Variants in NLGN4X observed in about 807,000 individuals in gnomAD.
NLGN4X encodes neuroligin 4 X-linked.
In NLGN4X, 3 loss-of-function variants were observed where a neutral mutation model predicts 40.3. The ratio of observed to expected loss-of-function variants is 0.07; its 90% CI spans 0.03 to 0.19. The LOEUF (loss-of-function observed/expected upper bound fraction) is 0.19, where lower values mean the gene tolerates loss of function less well. Ranked by LOEUF, NLGN4X falls within the 10% of genes least tolerant of loss-of-function variation. The pLI is 1.00. For missense variants in NLGN4X, 382 were observed against 708.3 expected, an observed-to-expected ratio of 0.54 and a Z score of 5.23; for synonymous variants, 270 against 306.8, an observed-to-expected ratio of 0.88 and a Z score of 1.25.
Position 5,890,191 on chromosome X carries a change from T to C in NLGN4X, c.*2626A>G, listed in dbSNP as rs2031080778. Reference sequence around the variant, plus strand: ...ACCCAAGGAACCATTAAACCCTGCGTGCCTTTGAAGATCAAGAGTAAAAGC... The same window carrying C: ...ACCCAAGGAACCATTAAACCCTGCGCGCCTTTGAAGATCAAGAGTAAAAGC... On this transcript the variant is annotated 3_prime_UTR_variant, in exon 6 of 6. Transcript: ENST00000381095. The C allele has an allele frequency of 5.5e-6, 1 of 182,085 alleles. No homozygotes were observed. The highest frequency in any genetic ancestry group is 7.4e-5 in the Admixed American group (1 of 13,477). 15.0% of individuals were successfully genotyped at this position (182,085 alleles called of 1,213,427 possible). A position where few individuals can be genotyped will look rare whatever the true frequency, so the allele number is the denominator to read the frequency against.
At chrX:6,067,108 C>CCA (rs199548872) in intron 2 of NLGN4X, among the ~76,000 whole-genome samples, 46 of 108,504 alleles carry the variant, frequency 4.2e-4, no homozygotes, top group Admixed American at 1.7e-3. Flanking sequence ...GATACAGTCC[C>CCA]CCCCCCAAAA....
intron 2 of NLGN4X, among the ~76,000 whole-genome samples, chrX:6,089,222 A>G (rs889936359): frequency 8.9e-6 from 1 of 112,257 alleles, no homozygotes; most frequent in African/African-American, 3.2e-5. Flanking sequence ...TGCTCAATAA[A>G]TGTAGGTAGC....
chrX:5,917,488 T>G, intron 3 of NLGN4X, among the ~76,000 whole-genome samples: 1 of 112,517 alleles, frequency 8.9e-6, no homozygotes, highest in Non-Finnish European at 1.9e-5. Context: ...GTGGATTCAG[T>G]TGGACATCCT....
At chrX:6,218,479 C>T (rs57310248) in intron 1 of NLGN4X, among the ~76,000 whole-genome samples, 19,736 of 106,007 alleles carry the variant, frequency 0.19, 2,001 homozygotes, top group African/African-American at 0.4. Context: ...TAAACCCACA[C>T]ACACACACAC....
chrX:6,027,191 T>C (rs1352062189), intron 3 of NLGN4X, among the ~76,000 whole-genome samples: 1 of 111,984 alleles, frequency 8.9e-6, no homozygotes, highest in East Asian at 2.8e-4. Context: ...ACACATACTT[T>C]CCTCCTTCCA....
intron 1 of NLGN4X, among the ~76,000 whole-genome samples, chrX:6,198,744 G>A (rs1264861058): frequency 9.0e-6 from 1 of 111,172 alleles, no homozygotes; most frequent in Admixed American, 9.6e-5. Flanking sequence ...TCTCAGAGTG[G>A]GACCCATGAA....
intron 5 of NLGN4X, among the ~76,000 whole-genome samples, chrX:5,894,578 T>C (rs1163386525): frequency 1.8e-5 from 2 of 111,632 alleles, no homozygotes; most frequent in Non-Finnish European, 1.9e-5. Flanking sequence ...TTGGAAACTA[T>C]GAGCCAAAGA....
At chrX:6,077,268 TTTTG>T (rs1380287430) in intron 2 of NLGN4X, among the ~76,000 whole-genome samples, 14,785 of 97,442 alleles carry the variant, frequency 0.15, 1,429 homozygotes, top group Non-Finnish European at 0.21. Context: ...CAAAATTTTA[TTTTG>T]TGTGTGTGTG....
rs2038579007 is a variant in NLGN4X, at chrX:6,089,334, T to C, written c.473-59902A>G. ...CTCCCCAACATTTGATATCGCCCTT[T>C]AGTAGTTTGTACATGGCTATACTTT... On this transcript the variant is annotated intron_variant, in intron 2 of 5. Transcript: ENST00000381095. Among the ~76,000 whole-genome samples, 6 of 111,759 alleles carry C rather than the reference T, an allele frequency of 5.4e-5. No individual in the cohort carries two copies. In the South Asian group the frequency reaches 2.2e-3, roughly 42 times the overall value.
chrX:6,217,360 A>G (rs894481191), intron 1 of NLGN4X, among the ~76,000 whole-genome samples: 3 of 112,026 alleles, frequency 2.7e-5, no homozygotes, highest in Non-Finnish European at 5.6e-5. Context: ...TAGACACATA[A>G]CTTCTTGTGT....
intron 2 of NLGN4X, among the ~76,000 whole-genome samples, chrX:6,078,561 A>C (rs1177803766): frequency 9.0e-6 from 1 of 111,558 alleles, no homozygotes; most frequent in Non-Finnish European, 1.9e-5. Flanking sequence ...ATGACTATTA[A>C]CAGCAACTCT....
chrX:6,124,549 G>C (rs1057395790), intron 2 of NLGN4X, among the ~76,000 whole-genome samples: 13 of 111,326 alleles, frequency 1.2e-4, no homozygotes, highest in African/African-American at 3.6e-4. Context: ...GGGCGTGGTG[G>C]TGTGCACCTG....
At chrX:5,977,948 C>T (rs763297148) in intron 3 of NLGN4X, among the ~76,000 whole-genome samples, 1 of 111,908 alleles carries the variant, frequency 8.9e-6, no homozygotes, top group Non-Finnish European at 1.9e-5. Context: ...GCAGGTGCTC[C>T]GAGAAAGAAC....
At chrX:6,029,730 A>G (rs1326827045) in intron 2 of NLGN4X, among the ~76,000 whole-genome samples, 1 of 111,844 alleles carries the variant, frequency 8.9e-6, no homozygotes, top group Non-Finnish European at 1.9e-5. Flanking sequence ...TAAAGTACAC[A>G]TTTCCTAAAT....
intron 3 of NLGN4X, among the ~76,000 whole-genome samples, chrX:5,926,020 T>C (rs1240920691): frequency 2.0e-5 from 2 of 100,912 alleles, no homozygotes; most frequent in East Asian, 6.7e-4. Flanking sequence ...AAATCCCATC[T>C]TGAATTGTAG....
At chrX:6,151,829 A>T (rs938816299) in intron 1 of NLGN4X, 58 bp from the exon 2 acceptor site, 2 of 259,116 alleles carry the variant, frequency 7.7e-6, no homozygotes, top group Non-Finnish European at 1.4e-5. Context: ...CACCTAGAAC[A>T]CTGGCTGGCT....
At chrX:5,954,483 C>T (rs1429676721) in intron 3 of NLGN4X, among the ~76,000 whole-genome samples, 1 of 104,771 alleles carries the variant, frequency 9.5e-6, no homozygotes, top group Non-Finnish European at 1.9e-5. Flanking sequence ...AATCCTCCTG[C>T]CTCGACCTCC....
chrX:6,119,916 A>G (rs1433426474), intron 2 of NLGN4X, among the ~76,000 whole-genome samples: 6 of 111,280 alleles, frequency 5.4e-5, no homozygotes, highest in Non-Finnish European at 9.4e-5. Context: ...GATGACTAAC[A>G]CTCCAAAAAA....
At chrX:6,007,439 A>G (rs1175005523) in intron 3 of NLGN4X, among the ~76,000 whole-genome samples, 1 of 112,174 alleles carries the variant, frequency 8.9e-6, no homozygotes, top group Non-Finnish European at 1.9e-5. Context: ...ATATACCCAT[A>G]TAACAAAACT....
Sources: gnomAD v4.1 joint callset for allele counts (sites outside exome capture counted in the v4.1 genomes callset) on GRCh38, gnomAD v4.1.1 for gene constraint, MANE v1.5 for transcripts, NCBI Gene and HGNC (gene_info 2026-07-23, HGNC 2026-07-21) for gene names.